Variants in MAPK8 observed in about 807,000 individuals in gnomAD.
The protein encoded by MAPK8 is JUN N-terminal kinase.
A neutral mutation model predicts 52.9 loss-of-function variants in MAPK8; 13 were observed. That is an observed-to-expected ratio of 0.25 (90% CI 0.16 to 0.39). MAPK8 has a LOEUF of 0.39. MAPK8 is among the 10% of genes least tolerant of loss of function. The pLI, the probability that MAPK8 is intolerant of heterozygous loss-of-function variation, is 1.00. For synonymous variants in MAPK8, 191 were observed against 169.8 expected, an observed-to-expected ratio of 1.12 and a Z score of -0.97; for missense variants, 300 against 519.2, an observed-to-expected ratio of 0.58 and a Z score of 4.10.
In MAPK8 at chr10:48,424,226, A is replaced by G. The variant is rs1320260886; in HGVS notation, c.688+67A>G. ...AACTTCTTTATGTTCTCTAATGAAA[A>G]TGAATATGCTACATTTACACAGATG... On this transcript the variant is annotated intron_variant, in intron 7 of 11. Coordinates refer to ENST00000374189, the MANE Select transcript of MAPK8 (RefSeq NM_001323329.2). The G allele has an allele frequency of 8.1e-6, 11 of 1,360,920 alleles. No homozygotes were observed. In the African/African-American group the frequency reaches 1.0e-4, roughly 12 times the overall value. The allele number at this position is 1,360,920 out of a possible 1,614,324, so 84.3% of individuals were successfully genotyped here. A position where few individuals can be genotyped will look rare whatever the true frequency, so the allele number is the denominator to read the frequency against.
chr10:48,323,127 A>G (rs778589636), intron 1 of MAPK8, among the ~76,000 whole-genome samples: 41 of 152,058 alleles, frequency 2.7e-4, no homozygotes, highest in Admixed American at 2.0e-3. Context: ...AAAGGGGGAA[A>G]TAGCCTTAGG....
At chr10:48,366,065 T>A (rs1366944618) in intron 1 of MAPK8, among the ~76,000 whole-genome samples, 1 of 152,134 alleles carries the variant, frequency 6.6e-6, no homozygotes, top group Non-Finnish European at 1.5e-5. Context: ...TTTTTTTTCT[T>A]AATTTGAAGT....
chr10:48,333,908 G>T (rs1055444974), intron 1 of MAPK8, among the ~76,000 whole-genome samples: 1 of 149,614 alleles, frequency 6.7e-6, no homozygotes, highest in Non-Finnish European at 1.5e-5. Context: ...AAATCTGGTT[G>T]TGCAGGCTCC....
intron 7 of MAPK8, chr10:48,424,640 C>A: frequency 8.3e-7 from 1 of 1,206,920 alleles, no homozygotes; most frequent in Non-Finnish European, 1.2e-6. Context: ...TGTATGATAG[C>A]ACTTCAGTTT....
rs71026206 is a variant in MAPK8 at position 48,320,211 on chromosome 10, C to CTTTTTTTTTTTTTTT, written c.-50+13408_-50+13422dup. Among the ~76,000 whole-genome samples, 6 of 35,320 alleles carry CTTTTTTTTTTTTTTT rather than the reference C, an allele frequency of 1.7e-4. 3 individuals carry two copies. Among genetic ancestry groups the CTTTTTTTTTTTTTTT allele is most frequent in the East Asian group, 2.2e-3 (2 of 924 alleles). 23.2% of individuals were successfully genotyped at this position (35,320 alleles called of 152,430 possible). On this transcript the variant is annotated intron_variant, in intron 1 of 11. Transcript: ENST00000374189. ...TTTCAGGTGTGAGCCACTGCTCGGCCTTTTTTTTTTTTTTTTTTTTTTTTT... is the reference window on the plus strand; with the variant it reads ...TTTCAGGTGTGAGCCACTGCTCGGCCTTTTTTTTTTTTTTTTTTTTTTTTTTTTTTTTTTTTTTTT...
intron 1 of MAPK8, among the ~76,000 whole-genome samples, chr10:48,389,860 G>T (rs2041526190): frequency 6.6e-6 from 1 of 152,242 alleles, no homozygotes; most frequent in African/African-American, 2.4e-5. Context: ...TGTGCTTAAA[G>T]GGGAATTTAG....
chr10:48,362,735 T>G (rs1366349095), intron 1 of MAPK8, among the ~76,000 whole-genome samples: 2 of 133,712 alleles, frequency 1.5e-5, no homozygotes, highest in African/African-American at 2.8e-5. Context: ...AAAATTTTAT[T>G]AGTTTTTTTT....
At chr10:48,377,550 A>T (rs1289171122) in intron 1 of MAPK8, among the ~76,000 whole-genome samples, 1 of 152,102 alleles carries the variant, frequency 6.6e-6, no homozygotes, top group Non-Finnish European at 1.5e-5. Context: ...GTAGCTTGCA[A>T]GTCATATCCT....
intron 1 of MAPK8, among the ~76,000 whole-genome samples, chr10:48,380,333 A>G (rs756151078): frequency 3.3e-5 from 5 of 152,248 alleles, no homozygotes; most frequent in African/African-American, 1.2e-4. Flanking sequence ...ACACATATCA[A>G]TACAACTGTA....
chr10:48,420,373 T>C, intron 6 of MAPK8, 53 bp downstream of exon 6: 1 of 1,450,340 alleles, frequency 6.9e-7, no homozygotes, highest in East Asian at 2.3e-5. Context: ...TTTTTCTTTA[T>C]TCAGTAGATT....
intron 1 of MAPK8, among the ~76,000 whole-genome samples, chr10:48,325,528 C>T (rs571871169): frequency 3.0e-4 from 45 of 152,172 alleles, no homozygotes; most frequent in Middle Eastern, 3.4e-3. Flanking sequence ...AAATAGTCTT[C>T]ATTTGTAGAA....
At chr10:48,393,025 TTTCTGTCTAGGTCTCTGGCTGCATC>T (rs2041708216) in intron 1 of MAPK8, among the ~76,000 whole-genome samples, 1 of 152,196 alleles carries the variant, frequency 6.6e-6, no homozygotes, top group Admixed American at 6.5e-5. Flanking sequence ...ATGTTCTTGT[TTTCTGTCTAGGTCTCTGGCTGCATC>T]TTCTGTGGCT....
intron 10 of MAPK8, among the ~76,000 whole-genome samples, chr10:48,429,048 C>A (rs576549637): frequency 6.6e-6 from 1 of 150,408 alleles, no homozygotes; most frequent in Non-Finnish European, 1.5e-5. Context: ...TTTCAAACTT[C>A]TGGGCTTAAG....
intron 1 of MAPK8, among the ~76,000 whole-genome samples, chr10:48,330,530 C>T (rs1416391279): frequency 6.6e-6 from 1 of 152,152 alleles, no homozygotes; most frequent in Non-Finnish European, 1.5e-5. Context: ...AAATGTAGAA[C>T]AATGTGTGAG....
At chr10:48,320,989 C>A (rs1463688581) in intron 1 of MAPK8, among the ~76,000 whole-genome samples, 3 of 151,542 alleles carry the variant, frequency 2.0e-5, no homozygotes, top group Admixed American at 2.0e-4. Context: ...AACATAGTTT[C>A]ATGTGCTTCT....
chr10:48,401,588 A>G (rs1028334673), intron 1 of MAPK8, 24 bp from the exon 2 acceptor site: 33 of 1,530,636 alleles, frequency 2.2e-5, no homozygotes, highest in Non-Finnish European at 2.8e-5. Flanking sequence ...TTTTGTTAAC[A>G]TCATGTTTTG....
intron 2 of MAPK8, among the ~76,000 whole-genome samples, chr10:48,402,438 CTGTG>C (rs2042209119): frequency 6.6e-6 from 1 of 152,178 alleles, no homozygotes; most frequent in Non-Finnish European, 1.5e-5. Flanking sequence ...TAATATCTCA[CTGTG>C]TGTGTTTCAA....
At chr10:48,384,590 A>G (rs2132770392) in intron 1 of MAPK8, among the ~76,000 whole-genome samples, 1 of 152,364 alleles carries the variant, frequency 6.6e-6, no homozygotes, top group Non-Finnish European at 1.5e-5. Flanking sequence ...GATAGCTCTG[A>G]TAAAGAAGCA....
At chr10:48,383,698 A>C (rs1222167252) in intron 1 of MAPK8, among the ~76,000 whole-genome samples, 1 of 152,196 alleles carries the variant, frequency 6.6e-6, no homozygotes, top group Non-Finnish European at 1.5e-5. Context: ...TTTGAAAAAA[A>C]AAAGTTGTTA....
Sources: gnomAD v4.1 joint callset for allele counts (sites outside exome capture counted in the v4.1 genomes callset) on GRCh38, gnomAD v4.1.1 for gene constraint, MANE v1.5 for transcripts, NCBI Gene and HGNC (gene_info 2026-07-23, HGNC 2026-07-21) for gene names.